CCDC167: variants seen among roughly 807,000 people sequenced by gnomAD.
CCDC167 encodes coiled-coil domain-containing protein 167.
A neutral mutation model predicts 12.7 loss-of-function variants in CCDC167; 15 were observed. The observed-to-expected ratio is 1.18, with a 90% CI of 0.79 to 1.81. CCDC167 has a LOEUF of 1.81. Among genes scored for constraint, CCDC167 ranks in the 40% most tolerant of loss-of-function variants. The pLI, the probability that CCDC167 is intolerant of heterozygous loss-of-function variation, is 0.00. For synonymous variants in CCDC167, 52 were observed against 49.0 expected, an observed-to-expected ratio of 1.06 and a Z score of -0.26; for missense variants, 121 against 120.1, an observed-to-expected ratio of 1.01 and a Z score of -0.03.
At chr6:37,495,166 T>A (rs553735018) in intron 1 of CCDC167, among the ~76,000 whole-genome samples, 1 of 152,322 alleles carries the variant, frequency 6.6e-6, no homozygotes, top group East Asian at 1.9e-4. Flanking sequence ...CAGTTTTCTA[T>A]AACTTGTAGC....
chr6:37,488,529 A>C (rs1418514033), intron 1 of CCDC167, among the ~76,000 whole-genome samples: 1 of 152,144 alleles, frequency 6.6e-6, no homozygotes, highest in Non-Finnish European at 1.5e-5. Flanking sequence ...AGGACCAGAT[A>C]AGGAGACAAA....
rs185138437 is a variant in CCDC167, at chr6:37,483,014, C to G, written c.*172G>C. 138 of 686,420 alleles carry G rather than the reference C, an allele frequency of 2.0e-4. 1 individual carries two copies. In the East Asian group the frequency reaches 3.8e-3, roughly 19 times the overall value. 42.5% of individuals were successfully genotyped at this position (686,420 alleles called of 1,614,324 possible). On this transcript the variant is annotated 3_prime_UTR_variant, in exon 4 of 4. Transcript: ENST00000373408. ...ACCATGTCCTTCTGGAGACCCGGAA[C>G]CCCCCAGCAGGCCAGGGAGGCAAGG...
chr6:37,489,165 G>A (rs1013287615), intron 1 of CCDC167, among the ~76,000 whole-genome samples: 1 of 152,134 alleles, frequency 6.6e-6, no homozygotes, highest in Non-Finnish European at 1.5e-5. Context: ...GAACCCAGGG[G>A]GTGGAGGCTG....
intron 1 of CCDC167, among the ~76,000 whole-genome samples, chr6:37,495,571 A>G (rs1290277752): frequency 6.6e-6 from 1 of 152,212 alleles, no homozygotes; most frequent in Non-Finnish European, 1.5e-5. Context: ...TCCAACTCTG[A>G]GATCTCATAT....
intron 1 of CCDC167, among the ~76,000 whole-genome samples, chr6:37,485,693 CAGAGGTGTTT>C (rs1761933673): frequency 6.6e-6 from 1 of 152,230 alleles, no homozygotes. Flanking sequence ...AGGGGCAACA[CAGAGGTGTTT>C]TTCTCATTGA....
chr6:37,484,889 C>T, intron 2 of CCDC167, 27 bp from the exon 3 acceptor site: 1 of 1,614,128 alleles, frequency 6.2e-7, no homozygotes, highest in South Asian at 1.1e-5. Context: ...GCTTCATGGA[C>T]CAAACCCTTT....
In CCDC167 at chr6:37,484,882, T is replaced by C; in HGVS notation, c.138-20A>G. The C allele has an allele frequency of 6.2e-7, 1 of 1,614,160 alleles. No individual in the cohort carries two copies. Among genetic ancestry groups the C allele is most frequent in the Non-Finnish European group, 8.5e-7 (1 of 1,179,980 alleles). On this transcript the variant is annotated intron_variant, in intron 2 of 3. Coordinates refer to ENST00000373408, the MANE Select transcript of CCDC167 (RefSeq NM_138493.3). ...GACCTCCTGTGAGGGGAAAGGAGCT[T>C]CATGGACCAAACCCTTTTCCTTTTC...
intron 1 of CCDC167, among the ~76,000 whole-genome samples, chr6:37,490,583 C>T (rs2113907160): frequency 6.6e-6 from 1 of 152,220 alleles, no homozygotes; most frequent in East Asian, 1.9e-4. Flanking sequence ...GAATTGAGGC[C>T]TGCTGGGTGA....
chr6:37,491,045 G>A (rs75912723), intron 1 of CCDC167, among the ~76,000 whole-genome samples: 2,374 of 152,246 alleles, frequency 0.016, 56 homozygotes, highest in African/African-American at 0.054. Flanking sequence ...TGAAATCCCC[G>A]CGAGGCATCT....
chr6:37,485,049 G>T, intron 2 of CCDC167, 51 bp downstream of exon 2: 1 of 1,534,536 alleles, frequency 6.5e-7, no homozygotes. Context: ...GATAGATACA[G>T]GGGGTGGGGG....
chr6:37,493,409 C>T (rs1762047781), intron 1 of CCDC167, among the ~76,000 whole-genome samples: 1 of 152,224 alleles, frequency 6.6e-6, no homozygotes, highest in African/African-American at 2.4e-5. Flanking sequence ...GCATCCACCC[C>T]GAGCCTTATG....
chr6:37,487,584 C>T (rs1311957352), intron 1 of CCDC167, among the ~76,000 whole-genome samples: 3 of 152,196 alleles, frequency 2.0e-5, no homozygotes, highest in African/African-American at 7.2e-5. Context: ...CCTTGGTTTG[C>T]GTGTCATTCT....
At chr6:37,486,686 G>A (rs1426400828) in intron 1 of CCDC167, among the ~76,000 whole-genome samples, 1 of 152,142 alleles carries the variant, frequency 6.6e-6, no homozygotes. Context: ...CTCTGCTACT[G>A]GGCACCCAAA....
chr6:37,488,353 C>T (rs1216674293), intron 1 of CCDC167, among the ~76,000 whole-genome samples: 5 of 152,120 alleles, frequency 3.3e-5, no homozygotes, highest in Admixed American at 6.6e-5. Context: ...AAGGAAGTCC[C>T]GACTTGGATT....
At chr6:37,499,716 A>C in intron 1 of CCDC167, 106 bp downstream of exon 1, 2 of 1,289,840 alleles carry the variant, frequency 1.6e-6, no homozygotes, top group South Asian at 2.5e-5. Flanking sequence ...TCGCCCTCTC[A>C]TCCTACGCTT....
chr6:37,494,057 T>C (rs1339627703), intron 1 of CCDC167, among the ~76,000 whole-genome samples: 3 of 39,916 alleles, frequency 7.5e-5, no homozygotes, highest in Admixed American at 3.3e-4. Flanking sequence ...TGATCCTGCC[T>C]TTTTTTTTTT....
intron 2 of CCDC167, 23 bp from the exon 3 acceptor site, chr6:37,484,885 T>C (rs1347371604): frequency 3.1e-6 from 5 of 1,614,076 alleles, no homozygotes; most frequent in Non-Finnish European, 2.5e-6. Context: ...AGGAGCTTCA[T>C]GGACCAAACC....
intron 1 of CCDC167, among the ~76,000 whole-genome samples, chr6:37,491,056 T>C (rs1762013721): frequency 6.6e-6 from 1 of 152,106 alleles, no homozygotes; most frequent in African/African-American, 2.4e-5. Flanking sequence ...CGAGGCATCT[T>C]TTCAGGAGTG....
intron 1 of CCDC167, among the ~76,000 whole-genome samples, chr6:37,498,560 G>A (rs1253779648): frequency 6.6e-6 from 1 of 151,666 alleles, no homozygotes; most frequent in Admixed American, 6.6e-5. Flanking sequence ...GGTGGCTCAT[G>A]CCTGTAATCC....
Sources: gnomAD v4.1 joint callset for allele counts (sites outside exome capture counted in the v4.1 genomes callset) on GRCh38, gnomAD v4.1.1 for gene constraint, MANE v1.5 for transcripts, NCBI Gene and HGNC (gene_info 2026-07-23, HGNC 2026-07-21) for gene names.